RFPL2: variants seen among roughly 807,000 people sequenced by gnomAD.
RFPL2 encodes ret finger protein-like 2.
Under a neutral mutation model 17.8 loss-of-function variants are expected in RFPL2, and 13 were observed. The observed-to-expected ratio is 0.73, with a 90% CI of 0.47 to 1.16. The LOEUF is 1.16. Ranked by LOEUF, RFPL2 falls within the 50% of genes most tolerant of loss-of-function variation. The pLI is 0.00. For synonymous variants in RFPL2, 189 were observed against 180.9 expected (o/e 1.04, Z -0.36); for missense variants, 431 against 479.3 (o/e 0.90, Z 0.94).
At chr22:32,200,175 C>G in intron 2 of RFPL2, 1 of 380,910 alleles carries the variant, frequency 2.6e-6, no homozygotes, top group South Asian at 2.1e-5. Context: ...CTACAGCTGC[C>G]GGGTCACACA....
At position 32,191,362 on chromosome 22, in the gene RFPL2, G is replaced by C. The variant is rs775781096; in HGVS notation, c.557-10C>G. ...TCCAAGGTCATATCCACTGTGAAAAGGAAAAAAAGTTGCTCAGCAAATGGA... is the reference window on the plus strand; with the variant it reads ...TCCAAGGTCATATCCACTGTGAAAACGAAAAAAAGTTGCTCAGCAAATGGA... On this transcript the variant is annotated splice_polypyrimidine_tract_variant and intron_variant, in intron 4 of 4. Coordinates refer to ENST00000652607, the MANE Select transcript of RFPL2 (RefSeq NM_001394555.1). The C allele has an allele frequency of 1.9e-6, 3 of 1,593,680 alleles. No individual in the cohort carries two copies. In the South Asian group the frequency reaches 3.4e-5, roughly 18 times the overall value.
chr22:32,204,508 T>G (rs1569357627), intron 1 of RFPL2, among the ~76,000 whole-genome samples, 199 bp downstream of exon 1: 2 of 151,948 alleles, frequency 1.3e-5, no homozygotes, highest in Non-Finnish European at 2.9e-5. Context: ...GCAGTGCAGC[T>G]CCAGATCGTG....
chr22:32,191,415 A>G (rs1420270754), intron 4 of RFPL2, 63 bp from the exon 5 acceptor site: 3 of 1,525,304 alleles, frequency 2.0e-6, no homozygotes. Flanking sequence ...CCTCTCTTCT[A>G]CTTCAAAGGC....
intron 2 of RFPL2, among the ~76,000 whole-genome samples, chr22:32,196,772 A>G (rs1923377423): frequency 6.6e-6 from 1 of 152,238 alleles, no homozygotes; most frequent in Non-Finnish European, 1.5e-5. Context: ...TGTGATGTCA[A>G]TGAGACAGCA....
In RFPL2 at chr22:32,202,486, C is replaced by T. The variant is rs907423789; in HGVS notation, c.-35G>A. 1.3e-6 allele frequency: 2 copies of T among 1,560,378 alleles called. No homozygotes were observed. The highest frequency in any genetic ancestry group is 1.4e-5 in the African/African-American group (1 of 73,584). ...ATCATGGTGCCACAGGCTCTAGCCT[C>T]CAGCCCGTGGCATGTAGCTCCTTCT... On this transcript the variant is annotated 5_prime_UTR_variant, in exon 2 of 5. Transcript: ENST00000652607.
rs749902091 is a variant in RFPL2, at chr22:32,191,140, C to A, written c.769G>T (p.Val257Phe). 6 of 1,613,840 alleles carry A rather than the reference C, an allele frequency of 3.7e-6. No homozygotes were observed. Among genetic ancestry groups the A allele is most frequent in the Admixed American group, 1.7e-5 (1 of 59,998 alleles). Reference protein sequence around the residue: ...VGTSTEWDLGVCRESVHRKGR... With the variant: ...VGTSTEWDLGFCRESVHRKGR... ...TTGCGGTGAACAGATTCTCTGCAGA[C>A]TCCCAGGTCCCATTCTGTGCTTGTT... Residue 257 changes from valine (V) to phenylalanine (F), a missense_variant, in exon 5 of 5, where the codon GTC (valine) becomes TTC (phenylalanine). Physicochemically the swap from Val to Phe is conservative, Grantham distance 50 (BLOSUM62 -1). Coordinates refer to ENST00000652607, the MANE Select transcript of RFPL2 (RefSeq NM_001394555.1).
chr22:32,199,234 G>A (rs1923669389), intron 2 of RFPL2, among the ~76,000 whole-genome samples: 1 of 152,110 alleles, frequency 6.6e-6, no homozygotes, highest in Non-Finnish European at 1.5e-5. Context: ...GAAGCAGCCG[G>A]GCAAAGGGTC....
intron 2 of RFPL2, 48 bp from the exon 3 acceptor site, chr22:32,194,538 C>T (rs1263782904): frequency 6.5e-7 from 1 of 1,536,216 alleles, no homozygotes; most frequent in African/African-American, 1.4e-5. Context: ...GGTGATATAT[C>T]TCCAGTTAAT....
At chr22:32,193,539 G>C (rs1270840593) in intron 3 of RFPL2, 5 of 1,312,102 alleles carry the variant, frequency 3.8e-6, no homozygotes, top group Non-Finnish European at 4.9e-6. Context: ...GGGAACCCCA[G>C]CAAGAGACTG....
intron 1 of RFPL2, chr22:32,203,227 G>C: frequency 8.4e-6 from 3 of 356,932 alleles, no homozygotes; most frequent in Non-Finnish European, 1.2e-5. Flanking sequence ...CCCCAAACCC[G>C]CTCTGTGCTG....
Position 32,190,777 on chromosome 22 carries a change from T to C in RFPL2, c.1132A>G (p.Lys378Glu). 6.6e-7 allele frequency: 1 copy of C among 1,507,096 alleles called. No individual in the cohort carries two copies. Among genetic ancestry groups the C allele is most frequent in the Non-Finnish European group, 8.9e-7 (1 of 1,128,546 alleles). 93.4% of individuals were successfully genotyped at this position (1,507,096 alleles called of 1,614,324 possible). The change falls in exon 5 of 5, where the codon AAA becomes GAA. Residue 378 changes from lysine (K) to glutamate (E), a missense_variant. Physicochemically the swap from Lys to Glu is moderately conservative, Grantham distance 56 (BLOSUM62 1). Transcript: ENST00000652607. ...TGTTTTTTTGGAGTGAGGGCTTATTTGGCCTCCCCAGGACGGACTGGAGCA... is the reference window on the plus strand; with the variant it reads ...TGTTTTTTTGGAGTGAGGGCTTATTCGGCCTCCCCAGGACGGACTGGAGCA... The part of the protein sequence containing the change: ...TDAPVRPGEA[K>E]
chr22:32,193,002 C>T lies in RFPL2; in HGVS notation c.456G>A (p.Arg152=), dbSNP rs1470000928. Residue 152 remains arginine, a synonymous_variant, in exon 4 of 5, where the codon AGG becomes AGA. Coordinates refer to ENST00000652607, the MANE Select transcript of RFPL2 (RefSeq NM_001394555.1). ...SSMVSRKNKI[R]RNRQLERLAS... ...CCAGCCTCTCTAGCTGCCGATTGCG[C>T]CTGATTTTGTTCTTCCGAGAGACCA... 6.2e-7 allele frequency: 1 copy of T among 1,614,142 alleles called. No individual in the cohort carries two copies. The highest frequency in any genetic ancestry group is 1.7e-5 in the Admixed American group (1 of 60,008).
intron 2 of RFPL2, among the ~76,000 whole-genome samples, chr22:32,201,597 G>A (rs1923921401): frequency 6.6e-6 from 1 of 152,132 alleles, no homozygotes; most frequent in Admixed American, 6.5e-5. Context: ...TTCTTTGGAG[G>A]ACGCATCATT....
intron 1 of RFPL2, among the ~76,000 whole-genome samples, chr22:32,204,311 G>A (rs923513676): frequency 6.6e-6 from 1 of 151,978 alleles, no homozygotes; most frequent in East Asian, 1.9e-4. Context: ...ACCCCAGCGC[G>A]ACCAGTGCAG....
chr22:32,193,676 C>T (rs1270975358), intron 3 of RFPL2, among the ~76,000 whole-genome samples: 2 of 152,092 alleles, frequency 1.3e-5, no homozygotes, highest in African/African-American at 2.4e-5. Flanking sequence ...GCCTGACCAA[C>T]ATGGGGAAAC....
intron 2 of RFPL2, among the ~76,000 whole-genome samples, chr22:32,200,539 A>C (rs1923810463): frequency 6.6e-6 from 1 of 151,944 alleles, no homozygotes. Flanking sequence ...CAGGCCATGC[A>C]TTTGGTCATT....
intron 2 of RFPL2, among the ~76,000 whole-genome samples, chr22:32,196,123 A>T (rs1032786278): frequency 6.6e-6 from 1 of 152,140 alleles, no homozygotes; most frequent in Admixed American, 6.5e-5. Context: ...TGCGGTATTT[A>T]TCTTTCTGGT....
intron 2 of RFPL2, among the ~76,000 whole-genome samples, chr22:32,198,519 T>A (rs541415312): frequency 2.0e-5 from 3 of 152,026 alleles, no homozygotes; most frequent in Non-Finnish European, 4.4e-5. Context: ...GGGAGTAGAT[T>A]TTCTATGAGC....
chr22:32,202,728 C>A (rs1055995871), intron 1 of RFPL2, 178 bp from the exon 2 acceptor site: 8 of 1,204,524 alleles, frequency 6.6e-6, no homozygotes, highest in Middle Eastern at 3.4e-4. Context: ...ACCACAGTGC[C>A]CGGGCTTCCC....
Sources: gnomAD v4.1 joint callset for allele counts (sites outside exome capture counted in the v4.1 genomes callset) on GRCh38, gnomAD v4.1.1 for gene constraint, MANE v1.5 for transcripts, NCBI Gene and HGNC (gene_info 2026-07-23, HGNC 2026-07-21) for gene names.